RNF17: variants seen among roughly 807,000 people sequenced by gnomAD.
RNF17 encodes ring finger protein 17, also known as spermatogenesis associated 23.
In RNF17, 31 loss-of-function variants were observed where a neutral mutation model predicts 200.5. The ratio of observed to expected loss-of-function variants is 0.15; its 90% CI spans 0.12 to 0.21. The LOEUF (loss-of-function observed/expected upper bound fraction) is 0.21, where lower values mean the gene tolerates loss of function less well. RNF17 is among the 10% of genes least tolerant of loss of function. The pLI is 1.00. For synonymous variants in RNF17, 606 were observed against 637.8 expected (o/e 0.95, Z 0.75); for missense variants, 1,628 against 1,905.1 (o/e 0.85, Z 2.71).
intron 15 of RNF17, among the ~76,000 whole-genome samples, chr13:24,819,039 G>T (rs1337335033): frequency 6.6e-6 from 1 of 151,418 alleles, no homozygotes. Context: ...TTTTGTAATT[G>T]TGTTAAAAAA....
At chr13:24,881,515 A>T (rs1953812881), downstream of RNF17, among the ~76,000 whole-genome samples, 1 of 152,106 alleles carries the variant, frequency 6.6e-6, no homozygotes, top group Admixed American at 6.5e-5. Flanking sequence ...ATATCTCTAG[A>T]ATATATCATC....
chr13:24,865,182 G>A (rs1893492630), intron 29 of RNF17, among the ~76,000 whole-genome samples, 184 bp downstream of exon 29: 1 of 152,166 alleles, frequency 6.6e-6, no homozygotes, highest in South Asian at 2.1e-4. Flanking sequence ...TAAATGTCCT[G>A]TAAAAGACTT....
At chr13:24,747,849 T>G in the RNF17 span, among the ~76,000 whole-genome samples, 2 of 152,196 alleles carry the variant, frequency 1.3e-5, no homozygotes, top group African/African-American at 4.8e-5. Context: ...CCGCAGGGGC[T>G]CTAAAGGCAG....
At chr13:24,828,950 A>G (rs1889068683) in intron 16 of RNF17, among the ~76,000 whole-genome samples, 2 of 152,110 alleles carry the variant, frequency 1.3e-5, no homozygotes, top group East Asian at 3.9e-4. Context: ...CCGGGGCTAT[A>G]GGCACTTGCC....
intron 18 of RNF17, among the ~76,000 whole-genome samples, chr13:24,832,382 C>G (rs1050682140): frequency 1.3e-5 from 2 of 151,828 alleles, no homozygotes; most frequent in Non-Finnish European, 1.5e-5. Flanking sequence ...TAAACAAATT[C>G]AACTGTGGGT....
chr13:24,812,547 C>A (rs566387669), intron 15 of RNF17, among the ~76,000 whole-genome samples: 1 of 151,762 alleles, frequency 6.6e-6, no homozygotes, highest in South Asian at 2.1e-4. Flanking sequence ...CTGTCTGGCA[C>A]TCCCTAGTGA....
rs566551223 is a variant in RNF17, at chr13:24,870,182, G to C, written c.4279-389G>C. The stretch of plus-strand genomic sequence containing the variant: ...AGGATGGTCTCGATCTCCTGACCTT[G>C]TGAGTCACCCTGCCGCGGCCTCCAA... On this transcript the variant is annotated intron_variant, in intron 31 of 35. Coordinates refer to ENST00000255324, the MANE Select transcript of RNF17 (RefSeq NM_031277.3). 2.0e-5 allele frequency among the ~76,000 whole-genome samples: 3 copies of C among 152,134 alleles called. No individual in the cohort carries two copies. The South Asian group carries it at 6.2e-4, about 32-fold the overall frequency.
At chr13:24,877,917 G>T (rs1280061566) in intron 34 of RNF17, among the ~76,000 whole-genome samples, 1 of 152,164 alleles carries the variant, frequency 6.6e-6, no homozygotes, top group African/African-American at 2.4e-5. Context: ...GTTTTATTTA[G>T]CACACAGTGT....
chr13:24,760,816 A>C (rs116174951), upstream of RNF17, among the ~76,000 whole-genome samples: 1,436 of 152,332 alleles, frequency 9.4e-3, 33 homozygotes, highest in African/African-American at 0.032. Context: ...AAAGGACCTA[A>C]ATAGACATTT....
At chr13:24,833,902 T>C in intron 18 of RNF17, among the ~76,000 whole-genome samples, 1 of 152,160 alleles carries the variant, frequency 6.6e-6, no homozygotes, top group East Asian at 1.9e-4. Context: ...ATGATAAAGG[T>C]ACAGAACACA....
rs1046051769 is a variant in RNF17 at position 24,802,674 on chromosome 13, A to G, written c.1949+103A>G. 25 of 812,192 alleles carry G rather than the reference A, an allele frequency of 3.1e-5. No homozygotes were observed. The African/African-American group carries it at 3.8e-4, about 12-fold the overall frequency. 50.3% of individuals were successfully genotyped at this position (812,192 alleles called of 1,614,324 possible). On this transcript the variant is annotated intron_variant, in intron 14 of 35. Transcript: ENST00000255324. Reference sequence around the variant, plus strand: ...CCATGTCTGTAAAGTAAACCTTAACATACCTGAAGAAGTGAAAAATATTGC... The same window carrying G: ...CCATGTCTGTAAAGTAAACCTTAACGTACCTGAAGAAGTGAAAAATATTGC...
intron 19 of RNF17, among the ~76,000 whole-genome samples, chr13:24,842,739 G>A (rs1009811113): frequency 6.6e-6 from 1 of 152,094 alleles, no homozygotes; most frequent in Non-Finnish European, 1.5e-5. Context: ...AGTGGGAGTG[G>A]CCCTGGAGGA....
chr13:24,767,207 G>A (rs1879823554), intron 1 of RNF17, 65 bp from the exon 2 acceptor site: 3 of 1,190,212 alleles, frequency 2.5e-6, no homozygotes, highest in Admixed American at 1.8e-5. Context: ...TTGGGCAACA[G>A]AGCAAGACCC....
At chr13:24,815,899 T>A (rs1251895879) in intron 15 of RNF17, among the ~76,000 whole-genome samples, 4 of 152,284 alleles carry the variant, frequency 2.6e-5, no homozygotes, top group Non-Finnish European at 5.9e-5. Context: ...TTTGTTTCCT[T>A]GTTGGTTTGT....
intron 29 of RNF17, 75 bp downstream of exon 29, chr13:24,865,073 TG>T: frequency 9.0e-7 from 1 of 1,107,160 alleles, no homozygotes; most frequent in Non-Finnish European, 1.3e-6. Flanking sequence ...TGTCTTACAC[TG>T]TGTCTTAAAT....
chr13:24,789,966 C>T (rs558683149), intron 9 of RNF17, among the ~76,000 whole-genome samples, 194 bp downstream of exon 9: 9 of 152,078 alleles, frequency 5.9e-5, no homozygotes, highest in East Asian at 1.9e-4. Flanking sequence ...ATATACATGT[C>T]GAAGTTATCT....
chr13:24,812,684 CTT>C (rs756197370), intron 15 of RNF17, among the ~76,000 whole-genome samples: 14,118 of 86,798 alleles, frequency 0.16, 2,828 homozygotes, highest in Non-Finnish European at 0.19. Flanking sequence ...GCCCCACCCC[CTT>C]TTTTTTTTTT....
At chr13:24,883,594 G>A (rs1039081405), downstream of RNF17, among the ~76,000 whole-genome samples, 4 of 152,090 alleles carry the variant, frequency 2.6e-5, no homozygotes, top group Non-Finnish European at 5.9e-5. Flanking sequence ...ATCACAAAAT[G>A]CTTAGTAACT....
intron 32 of RNF17, among the ~76,000 whole-genome samples, chr13:24,873,697 C>G (rs972775666): frequency 1.3e-5 from 2 of 152,014 alleles, no homozygotes; most frequent in African/African-American, 4.8e-5. Flanking sequence ...CTTCATCCCC[C>G]CACCCCAAAC....
Sources: allele counts gnomAD v4.1 joint callset (sites outside exome capture counted in the v4.1 genomes callset), GRCh38; gene constraint gnomAD v4.1.1; transcripts MANE v1.5; gene names NCBI Gene and HGNC (gene_info 2026-07-23, HGNC 2026-07-21).